Variants in CAMTA1 observed in about 807,000 individuals in gnomAD.
The protein encoded by CAMTA1 is calmodulin-binding transcription activator 1.
A neutral mutation model predicts 170.9 loss-of-function variants in CAMTA1; 27 were observed. The ratio of observed to expected loss-of-function variants is 0.16; its 90% CI spans 0.12 to 0.22. The LOEUF (loss-of-function observed/expected upper bound fraction) is 0.22. Among genes scored for constraint, CAMTA1 ranks in the 10% least tolerant of loss-of-function variants. The pLI is 1.00. For synonymous variants in CAMTA1, 833 were observed against 891.5 expected (o/e 0.93, Z 1.17); for missense variants, 1,619 against 2,217.2 (o/e 0.73, Z 5.42).
intron 6 of CAMTA1, among the ~76,000 whole-genome samples, chr1:7,500,808 G>C (rs2093993714): frequency 6.6e-6 from 1 of 152,086 alleles, no homozygotes; most frequent in Non-Finnish European, 1.5e-5. Flanking sequence ...TTCCTTTGCT[G>C]CCTTAAAGCA....
intron 3 of CAMTA1, among the ~76,000 whole-genome samples, chr1:6,981,243 A>G (rs1157449702): frequency 6.6e-6 from 1 of 152,206 alleles, no homozygotes; most frequent in Non-Finnish European, 1.5e-5. Context: ...AGGATTTCAG[A>G]ATTTCCAATA....
rs34382670 is a variant in CAMTA1 at position 7,246,670 on chromosome 1, C to CTTTTTTT, written c.303-2805_303-2799dup. On this transcript the variant is annotated intron_variant, in intron 4 of 22. Transcript: ENST00000303635. Reference sequence around the variant, plus strand: ...ATCCCTTCCCACCAGCTCTGACCTGCTTTTTTTTTTTTTTTTTTTTTTGAC... The same window carrying CTTTTTTT: ...ATCCCTTCCCACCAGCTCTGACCTGCTTTTTTTTTTTTTTTTTTTTTTTTTTTTTGAC... 7.0e-3 allele frequency among the ~76,000 whole-genome samples: 519 copies of CTTTTTTT among 73,910 alleles called. 47 individuals carry two copies. Among genetic ancestry groups the CTTTTTTT allele is most frequent in the African/African-American group, 0.026 (425 of 16,536 alleles). 48.5% of individuals were successfully genotyped at this position (73,910 alleles called of 152,430 possible).
chr1:7,739,087 A>G (rs2096791726), intron 16 of CAMTA1, among the ~76,000 whole-genome samples: 1 of 152,212 alleles, frequency 6.6e-6, no homozygotes, highest in Non-Finnish European at 1.5e-5. Flanking sequence ...TAAACTTGAC[A>G]TTAGGCTAAT....
chr1:7,285,938 C>A (rs1672285658), intron 5 of CAMTA1, among the ~76,000 whole-genome samples: 1 of 152,184 alleles, frequency 6.6e-6, no homozygotes, highest in Non-Finnish European at 1.5e-5. Flanking sequence ...AATTCCCAGG[C>A]CACATGTGTC....
At chr1:7,337,019 A>G (rs2083427516) in intron 5 of CAMTA1, among the ~76,000 whole-genome samples, 1 of 152,224 alleles carries the variant, frequency 6.6e-6, no homozygotes, top group African/African-American at 2.4e-5. Context: ...CTGTTGATTT[A>G]TGTCCCTGAG....
intron 6 of CAMTA1, among the ~76,000 whole-genome samples, chr1:7,601,513 G>C (rs908807459): frequency 6.7e-6 from 1 of 148,802 alleles, no homozygotes; most frequent in African/African-American, 2.6e-5. Flanking sequence ...GCCAGGCAGA[G>C]ATGCTCCTCA....
chr1:6,868,319 A>AAAAAAC (rs1553169539), intron 3 of CAMTA1, among the ~76,000 whole-genome samples: 1 of 140,510 alleles, frequency 7.1e-6, no homozygotes, highest in African/African-American at 2.7e-5. Flanking sequence ...TTTTTTTTTT[A>AAAAAAC]AAAACAAAAC....
At chr1:7,021,518 C>T (rs1330401646) in intron 3 of CAMTA1, among the ~76,000 whole-genome samples, 1 of 152,214 alleles carries the variant, frequency 6.6e-6, no homozygotes, top group East Asian at 1.9e-4. Flanking sequence ...GTCTCTCTTA[C>T]ACTTCTCTTC....
chr1:7,091,507 G>A, intron 4 of CAMTA1, 136 bp downstream of exon 4: 1 of 695,394 alleles, frequency 1.4e-6, no homozygotes, highest in Non-Finnish European at 2.6e-6. Context: ...TTTCGACACT[G>A]AGGTCTCATT....
At chr1:7,058,489 C>G (rs1413391841) in intron 3 of CAMTA1, among the ~76,000 whole-genome samples, 2 of 152,080 alleles carry the variant, frequency 1.3e-5, no homozygotes, top group Non-Finnish European at 2.9e-5. Flanking sequence ...CTTGAAAGGC[C>G]GGGGCAGGTG....
At chr1:7,356,473 C>T (rs2085121308) in intron 5 of CAMTA1, among the ~76,000 whole-genome samples, 2 of 152,200 alleles carry the variant, frequency 1.3e-5, no homozygotes, top group Admixed American at 1.3e-4. Context: ...GATGTGTCCC[C>T]AGAGCCTCAG....
chr1:7,388,829 C>A (rs567661600), intron 5 of CAMTA1, among the ~76,000 whole-genome samples: 6 of 152,228 alleles, frequency 3.9e-5, no homozygotes, highest in African/African-American at 1.4e-4. Context: ...GGTTCAGACA[C>A]GGAGACCAGT....
chr1:7,528,790 A>T (rs1174281199), intron 6 of CAMTA1, among the ~76,000 whole-genome samples: 4 of 145,244 alleles, frequency 2.8e-5, no homozygotes, highest in East Asian at 4.0e-4. Flanking sequence ...AATGTAAAGG[A>T]ATGAAAGGAT....
chr1:6,976,751 C>A (rs1316018689), intron 3 of CAMTA1, among the ~76,000 whole-genome samples: 1 of 152,180 alleles, frequency 6.6e-6, no homozygotes, highest in Non-Finnish European at 1.5e-5. Context: ...AAATAGCAAG[C>A]ACAGGGTGAT....
chr1:7,677,820 G>C (rs2096137825), intron 11 of CAMTA1, 87 bp downstream of exon 11: 2 of 1,482,662 alleles, frequency 1.3e-6, no homozygotes, highest in South Asian at 1.3e-5. Context: ...AGAAGAGTAA[G>C]CACCCAGAAA....
intron 5 of CAMTA1, among the ~76,000 whole-genome samples, chr1:7,302,935 G>C (rs1478620906): frequency 6.6e-6 from 1 of 152,210 alleles, no homozygotes; most frequent in African/African-American, 2.4e-5. Flanking sequence ...ACAGTGCAGT[G>C]TGATGAGGGC....
chr1:6,839,336 C>T (rs774797206), intron 3 of CAMTA1, among the ~76,000 whole-genome samples: 36 of 151,958 alleles, frequency 2.4e-4, no homozygotes, highest in Admixed American at 6.5e-4. Context: ...GAGTCGAGAT[C>T]GTGCCACTGC....
chr1:7,573,074 T>C lies in CAMTA1; in HGVS notation c.511-67326T>C, dbSNP rs371789134. Among the ~76,000 whole-genome samples, 11 of 151,994 alleles carry C rather than the reference T, an allele frequency of 7.2e-5. No homozygotes were observed. The East Asian group carries it at 1.2e-3, about 16-fold the overall frequency. On this transcript the variant is annotated intron_variant, in intron 6 of 22. Coordinates refer to ENST00000303635, the MANE Select transcript of CAMTA1 (RefSeq NM_015215.4). ...TATTTGTTTTTCTGGTTCAGAAGGGTTTACTCCTGGACAAGACTCAAGTTC... is the reference window on the plus strand; with the variant it reads ...TATTTGTTTTTCTGGTTCAGAAGGGCTTACTCCTGGACAAGACTCAAGTTC...
At chr1:7,149,064 A>G (rs558358574) in intron 4 of CAMTA1, among the ~76,000 whole-genome samples, 2 of 149,600 alleles carry the variant, frequency 1.3e-5, no homozygotes, top group African/African-American at 4.9e-5. Flanking sequence ...ACAATCATCC[A>G]CTCCCTTCCA....
Sources: gnomAD v4.1 joint callset for allele counts (sites outside exome capture counted in the v4.1 genomes callset) on GRCh38, gnomAD v4.1.1 for gene constraint, MANE v1.5 for transcripts, NCBI Gene and HGNC (gene_info 2026-07-23, HGNC 2026-07-21) for gene names.